Variants in PCSK2 observed in about 807,000 individuals in gnomAD.
PCSK2 encodes the protein neuroendocrine convertase 2.
In PCSK2, 14 loss-of-function variants were observed where a neutral mutation model predicts 69.7. The observed-to-expected ratio is 0.20, with a 90% CI of 0.13 to 0.31. The LOEUF (loss-of-function observed/expected upper bound fraction) is 0.31, where lower values mean the gene tolerates loss of function less well. Among genes scored for constraint, PCSK2 ranks in the 10% least tolerant of loss-of-function variants. The probability of loss-of-function intolerance (pLI) is 1.00; values close to 1 mark genes in which losing one functional copy is unlikely to be tolerated. For missense variants in PCSK2, 544 were observed against 842.5 expected (o/e 0.65, Z 4.39); for synonymous variants, 307 against 320.7 (o/e 0.96, Z 0.46).
At chr20:17,441,018 G>A (rs576187705) in intron 8 of PCSK2, among the ~76,000 whole-genome samples, 51 of 152,272 alleles carry the variant, frequency 3.3e-4, no homozygotes, top group African/African-American at 1.1e-3. Context: ...AGGGCTCTGC[G>A]GTCACGGGGC....
intron 6 of PCSK2, among the ~76,000 whole-genome samples, chr20:17,420,742 T>C (rs1229187845): frequency 6.6e-6 from 1 of 152,212 alleles, no homozygotes; most frequent in African/African-American, 2.4e-5. Flanking sequence ...CAGCACATTA[T>C]GTAGACAAAT....
intron 2 of PCSK2, among the ~76,000 whole-genome samples, chr20:17,294,067 TTTG>T (rs1396106528): frequency 1.3e-5 from 2 of 151,868 alleles, no homozygotes; most frequent in Non-Finnish European, 1.5e-5. Context: ...AATTATGAAA[TTTG>T]TTGTTGTAAA....
chr20:17,332,852 T>C (rs1600498730), intron 2 of PCSK2, among the ~76,000 whole-genome samples: 1 of 152,176 alleles, frequency 6.6e-6, no homozygotes, highest in Admixed American at 6.5e-5. Flanking sequence ...TTACTATATA[T>C]GCAATATAGT....
intron 2 of PCSK2, among the ~76,000 whole-genome samples, chr20:17,266,457 A>G (rs577591350): frequency 6.6e-6 from 1 of 152,364 alleles, no homozygotes; most frequent in South Asian, 2.1e-4. Context: ...GAGACACAAT[A>G]TCAGTTTCTA....
chr20:17,410,103 A>G (rs533067731), intron 6 of PCSK2, among the ~76,000 whole-genome samples: 4 of 152,304 alleles, frequency 2.6e-5, no homozygotes, highest in African/African-American at 7.2e-5. Flanking sequence ...ATAAAAATAT[A>G]TGATGTGCAG....
At chr20:17,353,638 C>T (rs2030087917) in intron 2 of PCSK2, among the ~76,000 whole-genome samples, 1 of 152,124 alleles carries the variant, frequency 6.6e-6, no homozygotes, top group Admixed American at 6.5e-5. Context: ...AATACTATTA[C>T]TAGCTATATA....
intron 1 of PCSK2, among the ~76,000 whole-genome samples, chr20:17,235,499 A>G (rs1986305815): frequency 1.3e-5 from 2 of 152,206 alleles, no homozygotes; most frequent in African/African-American, 4.8e-5. Flanking sequence ...TGAACAATAT[A>G]CAGAATCACT....
At chr20:17,269,557 T>C (rs989882902) in intron 2 of PCSK2, among the ~76,000 whole-genome samples, 1 of 152,178 alleles carries the variant, frequency 6.6e-6, no homozygotes, top group African/African-American at 2.4e-5. Flanking sequence ...TCAACGGATA[T>C]TGAAATACAT....
At chr20:17,282,764 A>G (rs1253748356) in intron 2 of PCSK2, among the ~76,000 whole-genome samples, 7 of 151,992 alleles carry the variant, frequency 4.6e-5, no homozygotes. Context: ...AAAAAAAAAG[A>G]AAGGGTTATG....
At chr20:17,374,329 C>T (rs967184743) in intron 5 of PCSK2, among the ~76,000 whole-genome samples, 7 of 152,196 alleles carry the variant, frequency 4.6e-5, no homozygotes, top group African/African-American at 1.7e-4. Flanking sequence ...GCTGGGTTCA[C>T]AGTACGGGCC....
chr20:17,328,790 T>C (rs1391559933), intron 2 of PCSK2, among the ~76,000 whole-genome samples: 1 of 152,216 alleles, frequency 6.6e-6, no homozygotes, highest in Non-Finnish European at 1.5e-5. Flanking sequence ...GTGAGTTAAA[T>C]GATGAAACTG....
chr20:17,460,599 A>T (rs917607521), intron 10 of PCSK2, among the ~76,000 whole-genome samples: 2 of 152,248 alleles, frequency 1.3e-5, no homozygotes, highest in African/African-American at 4.8e-5. Context: ...AGCAAGTTAG[A>T]TCATCAATAA....
In PCSK2 at chr20:17,436,799, C is replaced by T; in HGVS notation, c.801C>T (p.Ala267=). ...CACAGCTGATTGACATCTACAGCGC[C>T]AGCTGGGGCCCCACAGACAACGGCA... is the stretch of plus-strand genomic sequence containing the variant. ...HMPQLIDIYS[A]SWGPTDNGKT... Residue 267 remains alanine (A), a synonymous_variant, in exon 8 of 12, where the codon GCC becomes GCT. Coordinates refer to ENST00000262545, the MANE Select transcript of PCSK2 (RefSeq NM_002594.5). 3 of 1,614,048 alleles carry T rather than the reference C, an allele frequency of 1.9e-6. No homozygotes were observed. Among genetic ancestry groups the T allele is most frequent in the Non-Finnish European group, 1.7e-6 (2 of 1,180,018 alleles).
At chr20:17,232,596 A>T (rs1287079854) in intron 1 of PCSK2, among the ~76,000 whole-genome samples, 1 of 152,122 alleles carries the variant, frequency 6.6e-6, no homozygotes, top group Non-Finnish European at 1.5e-5. Flanking sequence ...TTTTGGTCAG[A>T]TATATGTATT....
intron 6 of PCSK2, among the ~76,000 whole-genome samples, chr20:17,418,666 C>A (rs1026327712): frequency 6.6e-6 from 1 of 152,164 alleles, no homozygotes; most frequent in East Asian, 1.9e-4. Flanking sequence ...TAGCCTGGAG[C>A]CTGGCACTTG....
intron 4 of PCSK2, among the ~76,000 whole-genome samples, chr20:17,361,019 C>T (rs1016697387): frequency 6.6e-6 from 1 of 152,122 alleles, no homozygotes; most frequent in African/African-American, 2.4e-5. Context: ...CCATATGTGC[C>T]TATTTAACTT....
At chr20:17,439,541 A>T (rs548028537) in intron 8 of PCSK2, among the ~76,000 whole-genome samples, 1 of 152,298 alleles carries the variant, frequency 6.6e-6, no homozygotes, top group East Asian at 1.9e-4. Context: ...AATGCTAGGC[A>T]ATGTAAAATT....
chr20:17,255,238 T>C (rs992992269), intron 1 of PCSK2, among the ~76,000 whole-genome samples: 46 of 152,364 alleles, frequency 3.0e-4, no homozygotes, highest in African/African-American at 1.1e-3. Flanking sequence ...TTTGTCTTGT[T>C]CTGGTCTTAA....
intron 2 of PCSK2, 114 bp downstream of exon 2, chr20:17,260,458 G>T (rs924648235): frequency 2.8e-6 from 2 of 705,340 alleles, no homozygotes. Flanking sequence ...AATGTACTAT[G>T]ATAGGGCAAA....
Sources: gnomAD v4.1 joint callset for allele counts (sites outside exome capture counted in the v4.1 genomes callset) on GRCh38, gnomAD v4.1.1 for gene constraint, MANE v1.5 for transcripts, NCBI Gene and HGNC (gene_info 2026-07-23, HGNC 2026-07-21) for gene names.